Variants in SPRED2 observed in about 807,000 individuals in gnomAD.
SPRED2 encodes sprouty related EVH1 domain containing 2.
SPRED2 carries 47 observed loss-of-function variants against 43.0 expected under a neutral mutation model. The ratio of observed to expected loss-of-function variants is 1.09; its 90% CI spans 0.87 to 1.40. SPRED2 has a LOEUF of 1.40. Among genes scored for constraint, SPRED2 ranks in the 40% most tolerant of loss-of-function variants. The pLI is 0.00. For synonymous variants in SPRED2, 225 were observed against 225.7 expected (o/e 1.00, Z 0.03); for missense variants, 561 against 586.4 (o/e 0.96, Z 0.45).
At chr2:65,377,826 TTC>T (rs1416834425) in intron 1 of SPRED2, 1 of 406,514 alleles carries the variant, frequency 2.5e-6, no homozygotes, top group Non-Finnish European at 5.0e-6. Context: ...GTCCCAGCAC[TTC>T]TCAGACACAG....
At chr2:65,352,465 TCA>T (rs1427367311) in intron 1 of SPRED2, among the ~76,000 whole-genome samples, 1 of 152,198 alleles carries the variant, frequency 6.6e-6, no homozygotes, top group Non-Finnish European at 1.5e-5. Context: ...TCCTGTGAGC[TCA>T]CAGTGCCAGG....
At chr2:65,421,532 C>A (rs972284960) in intron 1 of SPRED2, among the ~76,000 whole-genome samples, 2 of 152,206 alleles carry the variant, frequency 1.3e-5, no homozygotes, top group Admixed American at 6.5e-5. Context: ...CAGGATCCTC[C>A]CCACAAAACA....
intron 1 of SPRED2, among the ~76,000 whole-genome samples, chr2:65,367,044 C>T (rs1449472770): frequency 6.6e-6 from 1 of 152,178 alleles, no homozygotes; most frequent in Non-Finnish European, 1.5e-5. Flanking sequence ...TGCCCCCAGC[C>T]CCAAACCAAA....
At chr2:65,335,967 A>G (rs1673955138) in intron 2 of SPRED2, among the ~76,000 whole-genome samples, 1 of 152,268 alleles carries the variant, frequency 6.6e-6, no homozygotes, top group Non-Finnish European at 1.5e-5. Flanking sequence ...AATTTAGACT[A>G]AATGAAGGAC....
At chr2:65,339,097 T>C (rs1674092477) in intron 2 of SPRED2, among the ~76,000 whole-genome samples, 1 of 48,824 alleles carries the variant, frequency 2.0e-5, no homozygotes, top group Non-Finnish European at 3.6e-5. Context: ...GGAGGGAGGT[T>C]GGGCGGGGGG....
intron 1 of SPRED2, among the ~76,000 whole-genome samples, chr2:65,396,873 T>C (rs1464133142): frequency 6.6e-6 from 1 of 152,148 alleles, no homozygotes; most frequent in African/African-American, 2.4e-5. Flanking sequence ...ACTTGAAAAA[T>C]TAGATCTTTG....
intron 4 of SPRED2, among the ~76,000 whole-genome samples, chr2:65,330,540 T>C (rs1673779276): frequency 6.6e-6 from 1 of 152,116 alleles, no homozygotes; most frequent in South Asian, 2.1e-4. Context: ...ATTTCCCCTG[T>C]CCCCACACAT....
At chr2:65,316,255 T>C (rs2104115904) in intron 5 of SPRED2, among the ~76,000 whole-genome samples, 1 of 152,334 alleles carries the variant, frequency 6.6e-6, no homozygotes, top group Admixed American at 6.5e-5. Context: ...ACTGGGCCTG[T>C]AGCCTGTAAG....
chr2:65,384,212 C>T (rs946335569), intron 1 of SPRED2, among the ~76,000 whole-genome samples: 1 of 152,110 alleles, frequency 6.6e-6, no homozygotes, highest in African/African-American at 2.4e-5. Context: ...TCTATCCCAG[C>T]GTGGTGTTAT....
At chr2:65,394,772 G>A (rs1408444125) in intron 1 of SPRED2, among the ~76,000 whole-genome samples, 4 of 152,148 alleles carry the variant, frequency 2.6e-5, no homozygotes, top group African/African-American at 7.2e-5. Context: ...ATCACAGTGA[G>A]GCGCAGGGAG....
Position 65,312,406 on chromosome 2 carries a change from G to C in SPRED2, c.*1095C>G. ...GCAACCCACCACTCTTCAAATTTAT[G>C]ACATTTAAAAATCCCCTCTCCCCAT... On this transcript the variant is annotated 3_prime_UTR_variant, in exon 6 of 6. Transcript: ENST00000356388. 1.0e-6 allele frequency: 1 copy of C among 985,338 alleles called. No homozygotes were observed. Among genetic ancestry groups the C allele is most frequent in the Non-Finnish European group, 1.2e-6 (1 of 829,892 alleles). The allele number at this position is 985,338 out of a possible 1,614,324, so 61.0% of individuals were successfully genotyped here.
At position 65,344,879 on chromosome 2, in the gene SPRED2, CG is replaced by C; in HGVS notation, c.43del (p.Arg15ValfsTer7). ...THPDDDSYIV[R>X]VKAVVMTRDD... ...TCTGGTCATAACCACAGCCTTGACACGCACAATATAGCTGTCACTAAAACGA... is the reference window on the plus strand; with the variant it reads ...TCTGGTCATAACCACAGCCTTGACACCACAATATAGCTGTCACTAAAACGA... On this transcript the variant is annotated frameshift_variant, in exon 2 of 6. Transcript: ENST00000356388. LOFTEE classifies it high-confidence loss of function. 6.2e-7 allele frequency: 1 copy of C among 1,614,064 alleles called. No individual in the cohort carries two copies. The highest frequency in any genetic ancestry group is 8.5e-7 in the Non-Finnish European group (1 of 1,180,014).
At chr2:65,316,021 A>AT (rs982126328) in intron 5 of SPRED2, among the ~76,000 whole-genome samples, 6 of 152,214 alleles carry the variant, frequency 3.9e-5, no homozygotes, top group South Asian at 2.1e-4. Flanking sequence ...ATCTAAAATA[A>AT]TTTTTTTAAA....
intron 2 of SPRED2, chr2:65,344,505 G>C (rs1040049778): frequency 2.9e-6 from 2 of 701,560 alleles, no homozygotes; most frequent in East Asian, 2.8e-5. Flanking sequence ...TAAGCATCTC[G>C]GATAAAGCGT....
Position 65,313,908 on chromosome 2 carries a change from C to G in SPRED2, c.850G>C (p.Gly284Arg). Residue 284 changes from glycine to arginine, a missense_variant, in exon 6 of 6, where the codon GGG becomes CGG. Around this residue, in one of 6 missense-constraint regions of SPRED2, gnomAD observed 164 missense variants for 164.1 expected, o/e 1.00. Coordinates refer to ENST00000356388, the MANE Select transcript of SPRED2 (RefSeq NM_181784.3). ...FGLGEDPKGRGGSVIKTQPSR... is the reference protein window; with the variant it reads ...FGLGEDPKGRRGSVIKTQPSR... ...GGCTGCGTCTTGATCACGCTGCCCC[C>G]GCGGCCTTTGGGGTCCTCGCCTAGG... 6.2e-7 allele frequency: 1 copy of G among 1,610,434 alleles called. No individual in the cohort carries two copies. Among genetic ancestry groups the G allele is most frequent in the Non-Finnish European group, 8.5e-7 (1 of 1,179,924 alleles).
chr2:65,360,100 C>CAAAAAAAAAAA (rs57801875), intron 1 of SPRED2, among the ~76,000 whole-genome samples: 2 of 103,212 alleles, frequency 1.9e-5, no homozygotes, highest in Admixed American at 1.1e-4. Context: ...AAAAAAAAAA[C>CAAAAAAAAAAA]AAAAAAAAAA....
At chr2:65,431,441 C>A (rs889307330) in intron 1 of SPRED2, among the ~76,000 whole-genome samples, 3 of 152,044 alleles carry the variant, frequency 2.0e-5, no homozygotes, top group African/African-American at 2.4e-5. Flanking sequence ...GTCCTCCTCT[C>A]GCTCCGCCGT....
intron 1 of SPRED2, among the ~76,000 whole-genome samples, chr2:65,399,094 C>A (rs1046216101): frequency 6.6e-6 from 1 of 151,838 alleles, no homozygotes; most frequent in African/African-American, 2.4e-5. Context: ...CTGGCTAACA[C>A]GGTGAAACCC....
At chr2:65,428,131 T>A (rs1426015513) in intron 1 of SPRED2, among the ~76,000 whole-genome samples, 2 of 152,266 alleles carry the variant, frequency 1.3e-5, no homozygotes, top group African/African-American at 4.8e-5. Context: ...AAGCTCAGCC[T>A]GAAAGAAATC....
Sources: allele counts gnomAD v4.1 joint callset (sites outside exome capture counted in the v4.1 genomes callset), GRCh38; gene constraint gnomAD v4.1.1; regional missense constraint gnomAD v4.1.1; transcripts MANE v1.5; gene names NCBI Gene and HGNC (gene_info 2026-07-23, HGNC 2026-07-21).